Variants in ADD3 observed in about 807,000 individuals in gnomAD.
ADD3 encodes the protein gamma-adducin.
A neutral mutation model predicts 80.2 loss-of-function variants in ADD3; 25 were observed. The observed-to-expected ratio is 0.31, with a 90% CI of 0.23 to 0.44. ADD3 has a LOEUF of 0.44. ADD3 is among the 20% of genes least tolerant of loss of function. The pLI is 1.00. For missense variants in ADD3, 829 were observed against 847.5 expected, an observed-to-expected ratio of 0.98 and a Z score of 0.27; for synonymous variants, 284 against 289.6, an observed-to-expected ratio of 0.98 and a Z score of 0.20.
intron 1 of ADD3, among the ~76,000 whole-genome samples, chr10:110,041,862 T>G (rs1008814555): frequency 6.6e-6 from 1 of 152,228 alleles, no homozygotes; most frequent in African/African-American, 2.4e-5. Flanking sequence ...ATATTACTTT[T>G]AAAATTCTTT....
intron 1 of ADD3, among the ~76,000 whole-genome samples, chr10:110,086,646 C>T (rs755609528): frequency 3.9e-5 from 6 of 152,182 alleles, no homozygotes; most frequent in African/African-American, 7.2e-5. Context: ...CGCTCGCTTG[C>T]TCTCCTGCCA....
intron 1 of ADD3, among the ~76,000 whole-genome samples, chr10:110,018,526 C>CAA (rs59949041): frequency 0.14 from 6,478 of 47,894 alleles, 737 homozygotes; most frequent in East Asian, 0.41. Flanking sequence ...GACTTTGTCT[C>CAA]AAAAAAAAAA....
intron 3 of ADD3, 119 bp downstream of exon 3, chr10:110,113,034 T>TA: frequency 9.6e-7 from 1 of 1,041,574 alleles, no homozygotes; most frequent in Non-Finnish European, 1.4e-6. Context: ...ATCTAATACT[T>TA]AGAGTAACAT....
chr10:110,107,912 G>T (rs1281207650), intron 2 of ADD3, among the ~76,000 whole-genome samples: 4 of 152,090 alleles, frequency 2.6e-5, no homozygotes, highest in African/African-American at 4.8e-5. Flanking sequence ...TCTTGAATCT[G>T]TTACCCTGAT....
intron 1 of ADD3, chr10:110,016,458 C>T (rs1235624407): frequency 2.0e-5 from 3 of 152,054 alleles, no homozygotes; most frequent in African/African-American, 4.8e-5. Flanking sequence ...TAAAAACAGC[C>T]GAGTAGTGGT....
intron 1 of ADD3, among the ~76,000 whole-genome samples, chr10:110,026,408 G>T (rs1589772744): frequency 6.6e-6 from 1 of 151,818 alleles, no homozygotes; most frequent in African/African-American, 2.4e-5. Context: ...AGCCTCCTGA[G>T]TAGCTGGGAT....
chr10:110,122,986 CT>C (rs1384360706), intron 9 of ADD3, among the ~76,000 whole-genome samples: 1 of 152,120 alleles, frequency 6.6e-6, no homozygotes, highest in African/African-American at 2.4e-5. Context: ...ATTTGTCTTT[CT>C]GTGCCTGGTT....
intron 1 of ADD3, among the ~76,000 whole-genome samples, chr10:110,051,774 T>C (rs963959241): frequency 3.3e-5 from 5 of 152,220 alleles, no homozygotes; most frequent in African/African-American, 1.2e-4. Context: ...AACTTAATTG[T>C]ATAGATTCCT....
intron 2 of ADD3, among the ~76,000 whole-genome samples, chr10:110,101,660 C>T (rs1478348924): frequency 6.7e-6 from 1 of 150,006 alleles, no homozygotes; most frequent in Non-Finnish European, 1.5e-5. Context: ...AAAAATTCAA[C>T]TCAAGTGGAA....
chr10:110,112,966 G>T (rs1395377066), intron 3 of ADD3, 51 bp downstream of exon 3: 7 of 1,578,594 alleles, frequency 4.4e-6, no homozygotes. Context: ...TTCCACTTTG[G>T]ACCACTATAC....
intron 10 of ADD3, 65 bp from the exon 11 acceptor site, chr10:110,125,761 A>G: frequency 7.8e-7 from 1 of 1,275,084 alleles, no homozygotes; most frequent in East Asian, 2.4e-5. Flanking sequence ...ATAAGCAGTT[A>G]TCTAACAATC....
chr10:110,028,497 G>A (rs370400664), intron 1 of ADD3, among the ~76,000 whole-genome samples: 1 of 152,104 alleles, frequency 6.6e-6, no homozygotes, highest in African/African-American at 2.4e-5. Flanking sequence ...CCCAGGAGGC[G>A]GAGGTTGCAG....
At chr10:110,049,865 C>T (rs912014564) in intron 1 of ADD3, among the ~76,000 whole-genome samples, 10 of 143,916 alleles carry the variant, frequency 6.9e-5, no homozygotes, top group Admixed American at 2.2e-4. Flanking sequence ...CCAGCCTGGG[C>T]GACAGAGCGA....
At chr10:110,074,422 T>G (rs1845144935) in intron 1 of ADD3, among the ~76,000 whole-genome samples, 1 of 152,174 alleles carries the variant, frequency 6.6e-6, no homozygotes, top group African/African-American at 2.4e-5. Flanking sequence ...ACCCTAGTGG[T>G]GCCCAGAGTG....
chr10:110,108,355 T>TA (rs1378388484), intron 2 of ADD3, among the ~76,000 whole-genome samples: 2 of 152,186 alleles, frequency 1.3e-5, no homozygotes, highest in African/African-American at 4.8e-5. Context: ...GTTTCAGAGA[T>TA]ACAATCCAAG....
At chr10:110,092,097 C>G (rs1480752158) in intron 1 of ADD3, among the ~76,000 whole-genome samples, 5 of 152,076 alleles carry the variant, frequency 3.3e-5, no homozygotes, top group African/African-American at 1.2e-4. Context: ...CAGATGTTGG[C>G]GAGGTTGTGG....
At chr10:110,126,163 C>T (rs1202079322) in intron 11 of ADD3, among the ~76,000 whole-genome samples, 2 of 152,104 alleles carry the variant, frequency 1.3e-5, no homozygotes, top group Non-Finnish European at 2.9e-5. Flanking sequence ...CATTTTTCTG[C>T]GTTAGAGAAC....
chr10:110,115,705 G>A (rs763274473), intron 3 of ADD3, among the ~76,000 whole-genome samples: 1 of 152,184 alleles, frequency 6.6e-6, no homozygotes, highest in Admixed American at 6.5e-5. Context: ...GTGTAAAGCT[G>A]TAAAGAGGTC....
chr10:110,012,023 T>A (rs1369665848), intron 1 of ADD3, among the ~76,000 whole-genome samples: 1 of 152,244 alleles, frequency 6.6e-6, no homozygotes, highest in Admixed American at 6.5e-5. Flanking sequence ...CGAAAAAGTG[T>A]GTTATCCCTT....
Sources: allele counts gnomAD v4.1 joint callset (sites outside exome capture counted in the v4.1 genomes callset), GRCh38; gene constraint gnomAD v4.1.1; transcripts MANE v1.5; gene names NCBI Gene and HGNC (gene_info 2026-07-23, HGNC 2026-07-21).